The following OPN3 variants were observed in gnomAD, a reference collection of about 807,000 sequenced individuals.
The protein encoded by OPN3 is opsin 3, also known as opsin-3.
In OPN3, 29 loss-of-function variants were observed where a neutral mutation model predicts 33.8. That is an observed-to-expected ratio of 0.86 (90% CI 0.64 to 1.17). OPN3 has a LOEUF of 1.17. OPN3 is among the 50% of genes most tolerant of loss of function. The pLI, the probability that OPN3 is intolerant of heterozygous loss-of-function variation, is 0.00. For missense variants in OPN3, 437 were observed against 514.1 expected (o/e 0.85, Z 1.45); for synonymous variants, 216 against 216.1 (o/e 1.00, Z 0.00).
At chr1:241,618,190 A>G (rs951360979) in intron 1 of OPN3, among the ~76,000 whole-genome samples, 2 of 152,292 alleles carry the variant, frequency 1.3e-5, no homozygotes, top group Non-Finnish European at 2.9e-5. Context: ...AATTTAACTC[A>G]TCTCTTTGAT....
At chr1:241,623,833 G>C (rs1288931446) in intron 1 of OPN3, among the ~76,000 whole-genome samples, 2 of 152,088 alleles carry the variant, frequency 1.3e-5, no homozygotes, top group Non-Finnish European at 2.9e-5. Flanking sequence ...CTTTTTCCCA[G>C]CCTCCTCTCC....
chr1:241,634,662 G>A (rs773887770), intron 1 of OPN3: 15 of 1,613,832 alleles, frequency 9.3e-6, no homozygotes, highest in East Asian at 2.2e-5. Context: ...TTGCCAAACC[G>A]TCCGAGACAC....
intron 1 of OPN3, among the ~76,000 whole-genome samples, chr1:241,618,373 C>G (rs972665922): frequency 6.6e-6 from 1 of 152,180 alleles, no homozygotes; most frequent in Non-Finnish European, 1.5e-5. Flanking sequence ...AGGCTTAGGA[C>G]AGAACGTGAA....
At chr1:241,621,980 C>T (rs1243175010) in intron 1 of OPN3, among the ~76,000 whole-genome samples, 1 of 152,138 alleles carries the variant, frequency 6.6e-6, no homozygotes, top group Non-Finnish European at 1.5e-5. Context: ...TGTGCTCTCT[C>T]AGGCTTCAAA....
At chr1:241,598,695 G>T (rs984128910) in intron 2 of OPN3, among the ~76,000 whole-genome samples, 2 of 152,150 alleles carry the variant, frequency 1.3e-5, no homozygotes, top group Non-Finnish European at 2.9e-5. Context: ...CAGCCTGAAA[G>T]TTCTTTGAGT....
In OPN3 at chr1:241,635,498, C is replaced by T. The variant is rs371695400; in HGVS notation, c.373+4384G>A. The T allele has an allele frequency of 1.7e-5, 27 of 1,613,664 alleles. No individual in the cohort carries two copies. Among genetic ancestry groups the T allele is most frequent in the East Asian group, 4.5e-5 (2 of 44,892 alleles). Reference sequence around the variant, plus strand: ...GTGTTGAATAGTTTCATCCTTCTTGCGAAGAGTGATGGCTTCTTCTGTTTC... The same window carrying T: ...GTGTTGAATAGTTTCATCCTTCTTGTGAAGAGTGATGGCTTCTTCTGTTTC... On this transcript the variant is annotated intron_variant, in intron 1 of 3. Transcript: ENST00000366554.
chr1:241,610,939 T>C (rs1663973648), intron 1 of OPN3, among the ~76,000 whole-genome samples: 2 of 147,128 alleles, frequency 1.4e-5, no homozygotes, highest in South Asian at 4.3e-4. Flanking sequence ...TGTGGGTGTG[T>C]GGCTGTATTA....
intron 1 of OPN3, chr1:241,614,174 A>G (rs988828282): frequency 6.9e-6 from 1 of 145,838 alleles, no homozygotes; most frequent in East Asian, 1.9e-4. Flanking sequence ...TCTCAAAATT[A>G]AAAAAAAAAA....
chr1:241,596,316 T>A lies in OPN3; in HGVS notation c.945+1430A>T, dbSNP rs183052470. ...ATTCATATGTGTGCATACTAAAAAA[T>A]TGTTATAAACAATTTCCAGGGTTTC... On this transcript the variant is annotated intron_variant, in intron 3 of 3. Transcript: ENST00000366554. 1.8e-4 allele frequency among the ~76,000 whole-genome samples: 27 copies of A among 152,242 alleles called. No individual in the cohort carries two copies. In the East Asian group the frequency reaches 3.5e-3, roughly 20 times the overall value.
In OPN3 at chr1:241,606,428, C is replaced by T. The variant is rs1244255056; in HGVS notation, c.374-1849G>A. Among the ~76,000 whole-genome samples, 5 of 151,946 alleles carry T rather than the reference C, an allele frequency of 3.3e-5. No homozygotes were observed. In the East Asian group the frequency reaches 9.7e-4, roughly 29 times the overall value. On this transcript the variant is annotated intron_variant, in intron 1 of 3. Coordinates refer to ENST00000366554, the MANE Select transcript of OPN3 (RefSeq NM_014322.3). ...GGCGCGGTGGCAGAAGCCTGTAATCCTGGCTACTTGGGAGGCTGAGGCAGG... is the reference window on the plus strand; with the variant it reads ...GGCGCGGTGGCAGAAGCCTGTAATCTTGGCTACTTGGGAGGCTGAGGCAGG...
intron 2 of OPN3, among the ~76,000 whole-genome samples, chr1:241,599,288 C>A (rs1272101170): frequency 6.7e-6 from 1 of 148,506 alleles, no homozygotes. Context: ...TAAAGGTAAA[C>A]CTTTGAAGGT....
Position 241,593,918 on chromosome 1 carries a change from G to A in OPN3, c.*510C>T, listed in dbSNP as rs115712723. The stretch of plus-strand genomic sequence containing the variant: ...CTTTGTCATACTGCACATATAAAAC[G>A]TCTTTTGTTTCCAACAAGAGGATTT... On this transcript the variant is annotated 3_prime_UTR_variant, in exon 4 of 4. Coordinates refer to ENST00000366554, the MANE Select transcript of OPN3 (RefSeq NM_014322.3). The A allele has an allele frequency of 1.0e-3, 155 of 154,542 alleles. No individual in the cohort carries two copies. The highest frequency in any genetic ancestry group is 1.7e-3 in the Admixed American group (27 of 15,760). The allele number at this position is 154,542 out of a possible 1,614,324, so 9.6% of individuals were successfully genotyped here. A position where few individuals can be genotyped will look rare whatever the true frequency, so the allele number is the denominator to read the frequency against.
chr1:241,639,842 G>A, intron 1 of OPN3, 40 bp downstream of exon 1: 1 of 1,453,980 alleles, frequency 6.9e-7, no homozygotes, highest in Non-Finnish European at 9.1e-7. Context: ...GGGAGTGGAA[G>A]TTTGCAGAGG....
intron 1 of OPN3, among the ~76,000 whole-genome samples, chr1:241,623,146 G>C (rs1338702763): frequency 6.6e-6 from 1 of 151,958 alleles, no homozygotes; most frequent in Non-Finnish European, 1.5e-5. Context: ...GACTAATCCA[G>C]GGGTGGGAGT....
intron 1 of OPN3, among the ~76,000 whole-genome samples, chr1:241,637,021 C>T (rs1041699371): frequency 3.3e-5 from 5 of 152,060 alleles, no homozygotes; most frequent in Middle Eastern, 3.4e-3. Context: ...ATTCCATGTG[C>T]GGAAGACATC....
intron 3 of OPN3, among the ~76,000 whole-genome samples, chr1:241,596,877 T>C (rs959432481): frequency 2.0e-5 from 3 of 152,210 alleles, no homozygotes; most frequent in African/African-American, 4.8e-5. Context: ...CAGGCTGGAA[T>C]GCACTGGTGC....
chr1:241,594,400 C>T lies in OPN3; in HGVS notation c.*28G>A. The T allele has an allele frequency of 6.3e-7, 1 of 1,599,884 alleles. No individual in the cohort carries two copies. Among genetic ancestry groups the T allele is most frequent in the Non-Finnish European group, 8.5e-7 (1 of 1,171,324 alleles). On this transcript the variant is annotated 3_prime_UTR_variant, in exon 4 of 4. Transcript: ENST00000366554. ...TCCAAAAGTGGCATCCAATTTAAGG[C>T]CCCATCTTTCGTTGCCATTCTTCAT...
At chr1:241,619,578 T>C (rs1664223141) in intron 1 of OPN3, among the ~76,000 whole-genome samples, 2 of 152,324 alleles carry the variant, frequency 1.3e-5, no homozygotes, top group East Asian at 1.9e-4. Flanking sequence ...AGTGATGTCA[T>C]ATGAAAAGCT....
Position 241,593,725 on chromosome 1 carries a change from C to T in OPN3, c.*703G>A, listed in dbSNP as rs1003283504. 5 of 155,008 alleles carry T rather than the reference C, an allele frequency of 3.2e-5. No homozygotes were observed. The highest frequency in any genetic ancestry group is 1.2e-4 in the African/African-American group (5 of 41,364). The allele number at this position is 155,008 out of a possible 1,614,324, so 9.6% of individuals were successfully genotyped here. A position where few individuals can be genotyped will look rare whatever the true frequency, so the allele number is the denominator to read the frequency against. ...TAGAACTCCCTGGCTTATATAGCAT[C>T]GACAAAGAACAGTAAATTTTTAGAG... On this transcript the variant is annotated 3_prime_UTR_variant, in exon 4 of 4. Transcript: ENST00000366554.
Sources: gnomAD v4.1 joint callset for allele counts (sites outside exome capture counted in the v4.1 genomes callset) on GRCh38, gnomAD v4.1.1 for gene constraint, MANE v1.5 for transcripts, NCBI Gene and HGNC (gene_info 2026-07-23, HGNC 2026-07-21) for gene names.